Variants in NASP observed in about 807,000 individuals in gnomAD.
The protein encoded by NASP is nuclear autoantigenic sperm protein.
NASP carries 24 observed loss-of-function variants against 89.5 expected under a neutral mutation model. That is an observed-to-expected ratio of 0.27 (90% CI 0.19 to 0.38). The LOEUF (loss-of-function observed/expected upper bound fraction) is 0.38. NASP is among the 10% of genes least tolerant of loss of function. NASP has a pLI of 1.00. For missense variants in NASP, 848 were observed against 921.4 expected (o/e 0.92, Z 1.03); for synonymous variants, 306 against 324.7 (o/e 0.94, Z 0.62).
At chr1:45,590,025 G>C (rs1643492306) in intron 1 of NASP, among the ~76,000 whole-genome samples, 1 of 152,130 alleles carries the variant, frequency 6.6e-6, no homozygotes, top group South Asian at 2.1e-4. Flanking sequence ...TGTGTCACCT[G>C]GGCAGTTGTT....
intron 6 of NASP, chr1:45,610,677 A>G (rs1285927586): frequency 1.3e-5 from 2 of 152,132 alleles, no homozygotes; most frequent in African/African-American, 4.8e-5. Flanking sequence ...ATGGCTCACG[A>G]CAGCCTCAAA....
At chr1:45,586,278 GTGTGTGGTGTGTGTGTGTGT>G (rs1415535427) in intron 1 of NASP, among the ~76,000 whole-genome samples, 539 of 45,610 alleles carry the variant, frequency 0.012, 12 homozygotes, top group African/African-American at 0.024. Context: ...GTGTGTGTGT[GTGTGTGGTGTGTGTGTGTGT>G]GTGTGTGTGT....
At chr1:45,602,418 A>G (rs1014213790) in intron 3 of NASP, 53 bp downstream of exon 3, 1 of 1,514,246 alleles carries the variant, frequency 6.6e-7, no homozygotes, top group Non-Finnish European at 9.0e-7. Flanking sequence ...ATAAACCTTG[A>G]GTTATCAAAA....
chr1:45,608,084 T>A lies in NASP; in HGVS notation c.1173T>A (p.Pro391=). 6.2e-7 allele frequency: 1 copy of A among 1,613,988 alleles called. No individual in the cohort carries two copies. Among genetic ancestry groups the A allele is most frequent in the Admixed American group, 1.7e-5 (1 of 60,016 alleles). Residue 391 remains proline, a synonymous_variant, in exon 6 of 15, where the codon CCT becomes CCA. Coordinates refer to ENST00000350030, the MANE Select transcript of NASP (RefSeq NM_002482.4). ...NGPSVVGDQT[P]IEPQTSIERL... ...CGTCAGTTGTAGGAGATCAGACTCCTATTGAACCACAGACTTCTATAGAAA... is the reference window on the plus strand; with the variant it reads ...CGTCAGTTGTAGGAGATCAGACTCCAATTGAACCACAGACTTCTATAGAAA...
chr1:45,599,674 G>A (rs939526570), intron 2 of NASP, among the ~76,000 whole-genome samples: 6 of 150,364 alleles, frequency 4.0e-5, no homozygotes, highest in East Asian at 2.0e-4. Context: ...TGATCTGCCC[G>A]CCTCAGCCTC....
At position 45,606,550 on chromosome 1, in the gene NASP, CAGA is replaced by C. The variant is rs1484153373; in HGVS notation, c.372_374del (p.Glu124del). ...GTGGAAGAGGAAGAAGGAGAAAAAACAGAAGATGAATCTCTGGTAGAAAATAAT... is the reference window on the plus strand; with the variant it reads ...GTGGAAGAGGAAGAAGGAGAAAAAACAGATGAATCTCTGGTAGAAAATAAT... On this transcript the variant is annotated inframe_deletion, in exon 5 of 15. Coordinates refer to ENST00000350030, the MANE Select transcript of NASP (RefSeq NM_002482.4). 3 of 1,613,408 alleles carry C rather than the reference CAGA, an allele frequency of 1.9e-6. No individual in the cohort carries two copies. Among genetic ancestry groups the C allele is most frequent in the Non-Finnish European group, 2.5e-6 (3 of 1,179,382 alleles).
rs756149314 is a variant in NASP, at chr1:45,607,538, C to G, written c.627C>G (p.Thr209=). The G allele has an allele frequency of 1.2e-6, 2 of 1,614,034 alleles. No individual in the cohort carries two copies. The highest frequency in any genetic ancestry group is 1.7e-6 in the Non-Finnish European group (2 of 1,179,968). Residue 209 remains threonine (T), a synonymous_variant, in exon 6 of 15, where the codon ACC becomes ACG. Coordinates refer to ENST00000350030, the MANE Select transcript of NASP (RefSeq NM_002482.4). Reference sequence around the variant, plus strand: ...TGACTCTAGATTGGTTAACTGAAACCTCTGAAGAGGCAAAAGGAGGAGCAG... The same window carrying G: ...TGACTCTAGATTGGTTAACTGAAACGTCTGAAGAGGCAAAAGGAGGAGCAG... ...VDLTLDWLTE[T]SEEAKGGAAP...
intron 4 of NASP, among the ~76,000 whole-genome samples, chr1:45,606,202 C>T (rs1287054084): frequency 6.6e-6 from 1 of 152,138 alleles, no homozygotes; most frequent in African/African-American, 2.4e-5. Flanking sequence ...TAGTATGGTC[C>T]TATTACAAAT....
rs1643888625 is a variant in NASP, at chr1:45,604,805, T to G, written c.219-131T>G. On this transcript the variant is annotated intron_variant, in intron 3 of 14. Coordinates refer to ENST00000350030, the MANE Select transcript of NASP (RefSeq NM_002482.4). ...GCATTGTTTAATGTCACTTTGACCT[T>G]GAAAGCAAGAGGGGTATTGGTTTTC... The G allele has an allele frequency of 2.7e-5, 18 of 676,652 alleles. No homozygotes were observed. In the South Asian group the frequency reaches 3.5e-4, roughly 13 times the overall value. 41.9% of individuals were successfully genotyped at this position (676,652 alleles called of 1,614,324 possible).
intron 1 of NASP, among the ~76,000 whole-genome samples, chr1:45,584,892 A>T (rs937907553): frequency 6.6e-6 from 1 of 152,046 alleles, no homozygotes; most frequent in South Asian, 2.1e-4. Flanking sequence ...GGAGATAGTT[A>T]TCGCTCCCCG....
intron 1 of NASP, 87 bp downstream of exon 1, chr1:45,584,292 T>C (rs1644494402): frequency 5.5e-6 from 7 of 1,272,522 alleles, no homozygotes; most frequent in Non-Finnish European, 7.7e-6. Flanking sequence ...GGCAGACCGG[T>C]GGGCGGGAGT....
intron 6 of NASP, chr1:45,612,649 T>A (rs1359709401): frequency 6.6e-6 from 1 of 152,400 alleles, no homozygotes; most frequent in African/African-American, 2.4e-5. Context: ...GCATGCTCAT[T>A]GGTGTAAGTC....
chr1:45,607,533 G>A lies in NASP; in HGVS notation c.622G>A (p.Glu208Lys). 1 of 1,614,050 alleles carries A rather than the reference G, an allele frequency of 6.2e-7. No homozygotes were observed. The highest frequency in any genetic ancestry group is 8.5e-7 in the Non-Finnish European group (1 of 1,179,960). The change falls in exon 6 of 15, where the codon GAA becomes AAA. Residue 208 changes from glutamate to lysine, a missense_variant. Transcript: ENST00000350030. ...KVDLTLDWLT[E>K]TSEEAKGGAA... is the part of the protein sequence containing the mutation. ...TGACTTGACTCTAGATTGGTTAACT[G>A]AAACCTCTGAAGAGGCAAAAGGAGG...
At chr1:45,605,466 A>G (rs1312602724) in intron 4 of NASP, among the ~76,000 whole-genome samples, 1 of 151,904 alleles carries the variant, frequency 6.6e-6, no homozygotes, top group South Asian at 2.1e-4. Flanking sequence ...AGTTCTGGTA[A>G]GGTTTTTTTT....
chr1:45,607,259 A>G, intron 5 of NASP, 62 bp from the exon 6 acceptor site: 1 of 1,529,202 alleles, frequency 6.5e-7, no homozygotes, highest in Admixed American at 1.9e-5. Flanking sequence ...TTTAGTTTCC[A>G]TTTATGCCTT....
rs990390549 is a variant in NASP at position 45,607,417 on chromosome 1, A to G, written c.506A>G (p.Glu169Gly). The change falls in exon 6 of 15, where the codon GAA (glutamate) becomes GGA (glycine). Residue 169 changes from glutamate (E) to glycine (G), a missense_variant. Coordinates refer to ENST00000350030, the MANE Select transcript of NASP (RefSeq NM_002482.4). ...KTEDKSLAKPETDKEQDSEME... is the reference protein window; with the variant it reads ...KTEDKSLAKPGTDKEQDSEME... ...GAAGACAAGTCTTTGGCAAAGCCTG[A>G]AACTGATAAAGAACAGGACAGTGAA... 6.2e-6 allele frequency: 10 copies of G among 1,613,876 alleles called. No homozygotes were observed. Among genetic ancestry groups the G allele is most frequent in the Non-Finnish European group, 8.5e-6 (10 of 1,179,972 alleles).
At chr1:45,587,095 G>T (rs1055398356) in intron 1 of NASP, among the ~76,000 whole-genome samples, 1 of 152,050 alleles carries the variant, frequency 6.6e-6, no homozygotes, top group Non-Finnish European at 1.5e-5. Context: ...TTGTCCCCTC[G>T]TGCCATTAAA....
intron 1 of NASP, among the ~76,000 whole-genome samples, chr1:45,587,786 G>A (rs1375139635): frequency 6.7e-6 from 1 of 148,690 alleles, no homozygotes; most frequent in Admixed American, 6.7e-5. Context: ...CTGTGCAAGC[G>A]ATTCTTGTGC....
At chr1:45,586,923 C>T (rs1431341078) in intron 1 of NASP, among the ~76,000 whole-genome samples, 3 of 152,154 alleles carry the variant, frequency 2.0e-5, no homozygotes, top group Non-Finnish European at 2.9e-5. Context: ...ATTCCCAACT[C>T]CTAGTCTCAA....
Sources: allele counts gnomAD v4.1 joint callset (sites outside exome capture counted in the v4.1 genomes callset), GRCh38; gene constraint gnomAD v4.1.1; transcripts MANE v1.5; gene names NCBI Gene and HGNC (gene_info 2026-07-23, HGNC 2026-07-21).